The following LRRTM4 variants were observed in gnomAD, a reference collection of about 807,000 sequenced individuals.
LRRTM4 encodes the protein leucine-rich repeat transmembrane neuronal protein 4.
LRRTM4 carries 25 observed loss-of-function variants against 47.6 expected under a neutral mutation model. The observed-to-expected ratio is 0.53, with a 90% CI of 0.38 to 0.73. LRRTM4 has a LOEUF of 0.73. Among genes scored for constraint, LRRTM4 ranks in the 30% least tolerant of loss-of-function variants. The pLI is 0.00. For missense variants in LRRTM4, 638 were observed against 713.4 expected (o/e 0.89, Z 1.20); for synonymous variants, 311 against 269.5 (o/e 1.15, Z -1.51).
rs150614058 is a variant in LRRTM4, at chr2:77,446,227, C to G, written c.1551+72091G>C. 5.6e-3 allele frequency among the ~76,000 whole-genome samples: 858 copies of G among 152,106 alleles called. 6 individuals are homozygous for G. The highest frequency in any genetic ancestry group is 0.02 in the African/African-American group (828 of 41,554). The stretch of plus-strand genomic sequence containing the variant: ...ATCATGTTTCTCCATCTTGGCACTA[C>G]TGATATTTTGGTTCATACCATCGTT... On this transcript the variant is annotated intron_variant, in intron 3 of 3. Transcript: ENST00000409884.
chr2:77,466,578 GA>G (rs1360730896), intron 3 of LRRTM4, among the ~76,000 whole-genome samples: 4 of 151,818 alleles, frequency 2.6e-5, no homozygotes. Context: ...TTTTCTTTGT[GA>G]AAAATTGACA....
At chr2:76,813,418 T>C (rs193075611) in intron 3 of LRRTM4, among the ~76,000 whole-genome samples, 2 of 152,250 alleles carry the variant, frequency 1.3e-5, no homozygotes, top group South Asian at 2.1e-4. Context: ...CAGAGAAATA[T>C]AAAAGCCCAA....
chr2:77,355,040 C>G (rs1456534539), intron 3 of LRRTM4, among the ~76,000 whole-genome samples: 2 of 152,138 alleles, frequency 1.3e-5, no homozygotes, highest in Non-Finnish European at 2.9e-5. Context: ...CCGAAATGTA[C>G]TATTGAATAT....
At chr2:76,808,682 A>G (rs1190613902) in intron 3 of LRRTM4, among the ~76,000 whole-genome samples, 2 of 152,218 alleles carry the variant, frequency 1.3e-5, no homozygotes, top group African/African-American at 2.4e-5. Flanking sequence ...CCAAATTCCT[A>G]GAACTGGTGT....
intron 3 of LRRTM4, among the ~76,000 whole-genome samples, chr2:77,439,545 T>C (rs1244138415): frequency 2.6e-5 from 4 of 152,168 alleles, no homozygotes; most frequent in Non-Finnish European, 5.9e-5. Context: ...AAAAAATCTA[T>C]TGTGTGAGAC....
At chr2:76,787,860 T>G (rs542294409) in intron 3 of LRRTM4, among the ~76,000 whole-genome samples, 71 of 152,300 alleles carry the variant, frequency 4.7e-4, no homozygotes, top group African/African-American at 1.5e-3. Flanking sequence ...TAGGCAAATT[T>G]GTGCTCCTTT....
At chr2:76,909,371 G>C (rs1157769193) in intron 3 of LRRTM4, among the ~76,000 whole-genome samples, 2 of 152,068 alleles carry the variant, frequency 1.3e-5, no homozygotes, top group Non-Finnish European at 2.9e-5. Context: ...TTAAACCTTA[G>C]ACCTAAATCC....
intron 3 of LRRTM4, among the ~76,000 whole-genome samples, chr2:77,075,494 ATAC>A (rs1680302335): frequency 6.6e-6 from 1 of 152,196 alleles, no homozygotes; most frequent in East Asian, 1.9e-4. Context: ...AGCAATACTA[ATAC>A]TACTACTTAG....
At chr2:77,302,758 A>G (rs1677164329) in intron 3 of LRRTM4, among the ~76,000 whole-genome samples, 1 of 152,120 alleles carries the variant, frequency 6.6e-6, no homozygotes, top group South Asian at 2.1e-4. Flanking sequence ...ACACGTGCAC[A>G]CGCCCCTTCC....
At chr2:77,429,353 A>T (rs1211820511) in intron 3 of LRRTM4, among the ~76,000 whole-genome samples, 1 of 152,148 alleles carries the variant, frequency 6.6e-6, no homozygotes, top group Non-Finnish European at 1.5e-5. Flanking sequence ...TACTTAATAT[A>T]TATCCAAAGA....
chr2:76,946,047 C>G (rs1675312430), intron 3 of LRRTM4, among the ~76,000 whole-genome samples: 2 of 151,644 alleles, frequency 1.3e-5, no homozygotes, highest in South Asian at 4.2e-4. Flanking sequence ...AGCATTTTGC[C>G]AAGTTTCATA....
chr2:77,416,330 C>A (rs927858831), intron 3 of LRRTM4, among the ~76,000 whole-genome samples: 1 of 152,012 alleles, frequency 6.6e-6, no homozygotes, highest in African/African-American at 2.4e-5. Context: ...GATGTTATTA[C>A]ACTTTGGGAC....
At chr2:77,136,527 A>C (rs2103988190) in intron 3 of LRRTM4, among the ~76,000 whole-genome samples, 1 of 152,350 alleles carries the variant, frequency 6.6e-6, no homozygotes, top group East Asian at 1.9e-4. Context: ...AGATGGGGAA[A>C]AAACAGATCA....
At chr2:77,007,762 C>T (rs774564994) in intron 3 of LRRTM4, among the ~76,000 whole-genome samples, 9 of 152,238 alleles carry the variant, frequency 5.9e-5, no homozygotes, top group Middle Eastern at 3.4e-3. Context: ...GTCTTCCATT[C>T]GGCTTTAGAG....
intron 3 of LRRTM4, among the ~76,000 whole-genome samples, chr2:77,138,494 C>T (rs185938068): frequency 7.2e-5 from 11 of 152,256 alleles, no homozygotes; most frequent in Non-Finnish European, 1.5e-4. Flanking sequence ...AAATTTATAG[C>T]ACCAAATGCC....
At chr2:77,318,838 T>A (rs1223182111) in intron 3 of LRRTM4, among the ~76,000 whole-genome samples, 1 of 152,008 alleles carries the variant, frequency 6.6e-6, no homozygotes, top group Non-Finnish European at 1.5e-5. Flanking sequence ...CTGATTGACT[T>A]CTGTAAAATT....
Position 77,518,819 on chromosome 2 carries a change from A to G in LRRTM4, c.1050T>C (p.Val350=), listed in dbSNP as rs770991142. 3 of 1,611,300 alleles carry G rather than the reference A, an allele frequency of 1.9e-6. No homozygotes were observed. The highest frequency in any genetic ancestry group is 2.5e-6 in the Non-Finnish European group (3 of 1,178,606). The stretch of plus-strand genomic sequence containing the variant: ...TATTATATGTTTCCACTGCATCACT[A>G]ACCTTTTCACCCTGGATGTGCTTAG... ...AGPKHIQGEK[V]SDAVETYNIC... Residue 350 remains valine (V), a synonymous_variant, in exon 3 of 4, where the codon GTT becomes GTC. Coordinates refer to ENST00000409884, the MANE Select transcript of LRRTM4 (RefSeq NM_001134745.3).
At chr2:77,340,621 T>A (rs1175926906) in intron 3 of LRRTM4, among the ~76,000 whole-genome samples, 1 of 151,992 alleles carries the variant, frequency 6.6e-6, no homozygotes, top group Non-Finnish European at 1.5e-5. Flanking sequence ...TTGGTAGGGA[T>A]GGAATTATGA....
At chr2:77,025,816 T>G (rs1678434780) in intron 3 of LRRTM4, among the ~76,000 whole-genome samples, 1 of 152,202 alleles carries the variant, frequency 6.6e-6, no homozygotes, top group Non-Finnish European at 1.5e-5. Flanking sequence ...CTTTTATTCC[T>G]CATTTTAAAT....
Sources: allele counts gnomAD v4.1 joint callset (sites outside exome capture counted in the v4.1 genomes callset), GRCh38; gene constraint gnomAD v4.1.1; transcripts MANE v1.5; gene names NCBI Gene and HGNC (gene_info 2026-07-23, HGNC 2026-07-21).